Variants in PAX7 observed in about 807,000 individuals in gnomAD.
PAX7 encodes the protein paired box 7.
In PAX7, 18 loss-of-function variants were observed where a neutral mutation model predicts 50.7. The observed-to-expected ratio is 0.36, with a 90% CI of 0.25 to 0.53. The LOEUF is 0.53. Among genes scored for constraint, PAX7 ranks in the 20% least tolerant of loss-of-function variants. The pLI, the probability that PAX7 is intolerant of heterozygous loss-of-function variation, is 0.93. For synonymous variants in PAX7, 310 were observed against 290.4 expected, an observed-to-expected ratio of 1.07 and a Z score of -0.69; for missense variants, 644 against 702.9, an observed-to-expected ratio of 0.92 and a Z score of 0.95.
At chr1:18,724,338 G>T (rs1047102397) in intron 7 of PAX7, among the ~76,000 whole-genome samples, 3 of 152,248 alleles carry the variant, frequency 2.0e-5, no homozygotes, top group Non-Finnish European at 4.4e-5. Flanking sequence ...GCTGGTGAAG[G>T]CAGTGGAGGG....
At chr1:18,704,991 A>G (rs2089265668) in intron 7 of PAX7, among the ~76,000 whole-genome samples, 1 of 152,200 alleles carries the variant, frequency 6.6e-6, no homozygotes, top group African/African-American at 2.4e-5. Flanking sequence ...GCACAGAGTG[A>G]GTGCCCAGTA....
rs1293870552 is a variant in PAX7, at chr1:18,634,850, G to A, written c.322-261G>A. Among the ~76,000 whole-genome samples, 1 of 152,106 alleles carries A rather than the reference G, an allele frequency of 6.6e-6. No homozygotes were observed. The highest frequency in any genetic ancestry group is 2.4e-5 in the African/African-American group (1 of 41,402). ...CTCAGTCTTTCCTGAGATAATGACG[G>A]GGACCCTGGGGGTCCTAATTAGAGT... On this transcript the variant is annotated intron_variant, in intron 2 of 8. Coordinates refer to ENST00000420770, the MANE Select transcript of PAX7 (RefSeq NM_001135254.2). This position sits in a 1 kb window ranked among gnomAD's most constrained non-coding sequence, Gnocchi z 4.0.
At chr1:18,686,818 TCAA>T (rs963230972) in intron 4 of PAX7, among the ~76,000 whole-genome samples, 4 of 152,128 alleles carry the variant, frequency 2.6e-5, no homozygotes, top group African/African-American at 9.7e-5. Flanking sequence ...GTCCTCATCA[TCAA>T]CAATAGTAAT....
At chr1:18,707,824 C>T (rs1479700556) in intron 7 of PAX7, among the ~76,000 whole-genome samples, 1 of 152,152 alleles carries the variant, frequency 6.6e-6, no homozygotes, top group Non-Finnish European at 1.5e-5. Flanking sequence ...AAGAAACCAT[C>T]TAGGGAAGCC....
chr1:18,724,581 G>A (rs1053964975), intron 7 of PAX7, among the ~76,000 whole-genome samples: 3 of 151,508 alleles, frequency 2.0e-5, no homozygotes, highest in African/African-American at 7.3e-5. Flanking sequence ...GCAGAGGATG[G>A]TACTATGGAG....
chr1:18,733,651 T>C (rs987488578), intron 7 of PAX7, among the ~76,000 whole-genome samples: 4 of 152,056 alleles, frequency 2.6e-5, no homozygotes, highest in Non-Finnish European at 5.9e-5. Flanking sequence ...GAGGCTCTGC[T>C]CAAGACATTC....
chr1:18,662,613 C>G (rs979883715), intron 4 of PAX7, among the ~76,000 whole-genome samples: 2 of 152,174 alleles, frequency 1.3e-5, no homozygotes, highest in Admixed American at 6.5e-5. Context: ...CTCTGTCACC[C>G]AGGCTGAAGT....
At chr1:18,644,851 A>G (rs1197228428) in intron 4 of PAX7, among the ~76,000 whole-genome samples, 1 of 152,216 alleles carries the variant, frequency 6.6e-6, no homozygotes, top group African/African-American at 2.4e-5. Flanking sequence ...ACCACCCAAA[A>G]GAGAAATTTT....
chr1:18,685,352 G>A (rs1159907413), intron 4 of PAX7, among the ~76,000 whole-genome samples: 2 of 152,214 alleles, frequency 1.3e-5, no homozygotes, highest in Non-Finnish European at 2.9e-5. Flanking sequence ...GCTCTGTCAA[G>A]CTCTATTCAT....
intron 4 of PAX7, among the ~76,000 whole-genome samples, chr1:18,679,104 C>T (rs2088862516): frequency 6.6e-6 from 1 of 152,224 alleles, no homozygotes; most frequent in South Asian, 2.1e-4. Flanking sequence ...TTGAACGCTT[C>T]TTCTCTGTGG....
At chr1:18,643,984 C>G (rs2088300551) in intron 4 of PAX7, among the ~76,000 whole-genome samples, 1 of 152,232 alleles carries the variant, frequency 6.6e-6, no homozygotes, top group African/African-American at 2.4e-5. Context: ...AATTAACAGG[C>G]CGGCCCGGGC....
intron 1 of PAX7, 93 bp downstream of exon 1, chr1:18,631,781 C>T (rs2088053275): frequency 1.9e-6 from 2 of 1,032,874 alleles, no homozygotes; most frequent in Non-Finnish European, 2.9e-6. Flanking sequence ...GGTGGCGGCG[C>T]CGGCGATAGC....
At chr1:18,699,356 T>C (rs2089187361) in intron 5 of PAX7, among the ~76,000 whole-genome samples, 1 of 151,358 alleles carries the variant, frequency 6.6e-6, no homozygotes, top group Non-Finnish European at 1.5e-5. Context: ...GGAGTAGGAG[T>C]AGGAGGAAGC....
At chr1:18,678,935 G>A (rs191584754) in intron 4 of PAX7, among the ~76,000 whole-genome samples, 132 of 152,298 alleles carry the variant, frequency 8.7e-4, no homozygotes, top group Non-Finnish European at 4.6e-4. Flanking sequence ...CTGCCTGGCC[G>A]TCACGGTCAC....
chr1:18,714,229 A>ATAAATAAG (rs2089390036), intron 7 of PAX7, among the ~76,000 whole-genome samples: 1 of 151,864 alleles, frequency 6.6e-6, no homozygotes, highest in African/African-American at 2.4e-5. Context: ...AAATAAATAA[A>ATAAATAAG]TAAATAAATA....
In PAX7 at chr1:18,632,875, T is replaced by C. The variant is rs939776521; in HGVS notation, c.85+1187T>C. Among the ~76,000 whole-genome samples, 3 of 152,104 alleles carry C rather than the reference T, an allele frequency of 2.0e-5. No homozygotes were observed. The highest frequency in any genetic ancestry group is 7.2e-5 in the African/African-American group (3 of 41,428). ...CGGGAGAGCGCGCAAACCCGGGGAT[T>C]TGCAGTGGCACTCTCCTGTAGCGAA... On this transcript the variant is annotated intron_variant, in intron 1 of 8. Transcript: ENST00000420770. The surrounding 1 kb of genome is among the most constrained non-coding windows in gnomAD (Gnocchi z 6.3).
At chr1:18,740,598 C>T (rs965419211) in intron 8 of PAX7, among the ~76,000 whole-genome samples, 1 of 152,132 alleles carries the variant, frequency 6.6e-6, no homozygotes, top group Non-Finnish European at 1.5e-5. Flanking sequence ...AGGGTGCTCG[C>T]CTTGTTGTTC....
At chr1:18,687,390 C>T (rs1312197427) in intron 4 of PAX7, among the ~76,000 whole-genome samples, 3 of 152,124 alleles carry the variant, frequency 2.0e-5, no homozygotes, top group Non-Finnish European at 2.9e-5. Flanking sequence ...CTGATTAGAC[C>T]GGGGCTGTCC....
chr1:18,636,455 C>G lies in PAX7; in HGVS notation c.586+84C>G, dbSNP rs2088158781. ...CGGGCCAGTGGTTCGCTCCCGCCGC[C>G]GGAGCAGGCGACCAGAACTCCAGCG... On this transcript the variant is annotated intron_variant, in intron 4 of 8. Coordinates refer to ENST00000420770, the MANE Select transcript of PAX7 (RefSeq NM_001135254.2). The surrounding 1 kb of genome is among the most constrained non-coding windows in gnomAD (Gnocchi z 5.1). The G allele has an allele frequency of 6.8e-7, 1 of 1,478,280 alleles. No homozygotes were observed. Among genetic ancestry groups the G allele is most frequent in the Non-Finnish European group, 9.2e-7 (1 of 1,088,712 alleles). 91.6% of individuals were successfully genotyped at this position (1,478,280 alleles called of 1,614,324 possible).
Sources: allele counts gnomAD v4.1 joint callset (sites outside exome capture counted in the v4.1 genomes callset), GRCh38; gene constraint gnomAD v4.1.1; non-coding constraint Gnocchi (gnomAD v3.1); transcripts MANE v1.5; gene names NCBI Gene and HGNC (gene_info 2026-07-23, HGNC 2026-07-21).